The following MATCAP2 variants were observed in gnomAD, a reference collection of about 807,000 sequenced individuals.
The protein encoded by MATCAP2 is microtubule associated tyrosine carboxypeptidase 2.
At chr7:36,330,577 A>C in the MATCAP2 span, among the ~76,000 whole-genome samples, 1 of 152,222 alleles carries the variant, frequency 6.6e-6, no homozygotes, top group South Asian at 2.1e-4. Context: ...TTTGAAGTGG[A>C]CTCTATTTTA....
At chr7:36,331,399 TC>T in the MATCAP2 span, among the ~76,000 whole-genome samples, 1 of 151,998 alleles carries the variant, frequency 6.6e-6, no homozygotes, top group Non-Finnish European at 1.5e-5. Context: ...TATCCCACCT[TC>T]CCCTACTCCC....
chr7:36,362,561 C>T, the MATCAP2 span, among the ~76,000 whole-genome samples: 348 of 152,292 alleles, frequency 2.3e-3, 2 homozygotes, highest in African/African-American at 7.9e-3. Context: ...AACAAACTTT[C>T]CCATGGCTTT....
the MATCAP2 span, among the ~76,000 whole-genome samples, chr7:36,361,895 C>A: frequency 1.3e-5 from 2 of 152,148 alleles, no homozygotes; most frequent in Admixed American, 6.6e-5. Flanking sequence ...GCAAATGAAG[C>A]CACATCAAAA....
At chr7:36,332,835 G>A in the MATCAP2 span, among the ~76,000 whole-genome samples, 4 of 152,188 alleles carry the variant, frequency 2.6e-5, no homozygotes, top group Non-Finnish European at 5.9e-5. Flanking sequence ...GCTGAGGCAG[G>A]AGAATCACCT....
chr7:36,348,378 C>T, the MATCAP2 span, among the ~76,000 whole-genome samples: 3 of 152,176 alleles, frequency 2.0e-5, no homozygotes, highest in Admixed American at 6.5e-5. Context: ...AAGCACCAAT[C>T]ACTGTGTAAA....
chr7:36,334,913 G>T, the MATCAP2 span: 1 of 770,600 alleles, frequency 1.3e-6, no homozygotes, highest in Non-Finnish European at 2.0e-6. Flanking sequence ...TGAAGCTCAT[G>T]ACTTCTTGCT....
chr7:36,379,843 C>CAGAGAG, the MATCAP2 span, among the ~76,000 whole-genome samples: 32 of 127,466 alleles, frequency 2.5e-4, no homozygotes, highest in Non-Finnish European at 3.6e-4. Context: ...CACACACACA[C>CAGAGAG]ACACAGAGAG....
chr7:36,363,269 C>T, the MATCAP2 span, among the ~76,000 whole-genome samples: 1 of 152,176 alleles, frequency 6.6e-6, no homozygotes, highest in Non-Finnish European at 1.5e-5. Context: ...TATTTTTAAA[C>T]ATTCATCTTT....
the MATCAP2 span, chr7:36,326,535 G>A: frequency 9.1e-6 from 3 of 329,522 alleles, no homozygotes; most frequent in Admixed American, 9.4e-5. Flanking sequence ...TGACTCTGTC[G>A]AGATTCAGAA....
the MATCAP2 span, among the ~76,000 whole-genome samples, chr7:36,363,636 T>G: frequency 6.6e-6 from 1 of 152,238 alleles, no homozygotes; most frequent in Non-Finnish European, 1.5e-5. Context: ...TTCCTAGCAG[T>G]TGACAACATG....
the MATCAP2 span, chr7:36,357,326 T>G: frequency 6.2e-7 from 1 of 1,614,182 alleles, no homozygotes; most frequent in South Asian, 1.1e-5. Context: ...CCTGCGAGGA[T>G]CTTTGCTACG....
At chr7:36,377,843 C>T in the MATCAP2 span, among the ~76,000 whole-genome samples, 1 of 152,214 alleles carries the variant, frequency 6.6e-6, no homozygotes, top group African/African-American at 2.4e-5. Flanking sequence ...CACTTCATTT[C>T]ATTCATTTGA....
chr7:36,346,992 C>T, the MATCAP2 span, among the ~76,000 whole-genome samples: 1 of 152,122 alleles, frequency 6.6e-6, no homozygotes, highest in Non-Finnish European at 1.5e-5. Flanking sequence ...AACTCCTGAC[C>T]TCATGATCCA....
chr7:36,378,324 C>T, the MATCAP2 span, among the ~76,000 whole-genome samples: 1 of 152,196 alleles, frequency 6.6e-6, no homozygotes, highest in Non-Finnish European at 1.5e-5. Flanking sequence ...TTCCTTCTAA[C>T]AGTCAGGCCC....
chr7:36,371,042 T>C, the MATCAP2 span, among the ~76,000 whole-genome samples: 1 of 152,250 alleles, frequency 6.6e-6, no homozygotes, highest in African/African-American at 2.4e-5. Context: ...GGTGTTTTGA[T>C]AGAAATATTG....
the MATCAP2 span, among the ~76,000 whole-genome samples, chr7:36,372,448 A>T: frequency 1.3e-5 from 2 of 152,266 alleles, no homozygotes; most frequent in African/African-American, 4.8e-5. Context: ...GTTTTGCAGC[A>T]TGTCTATATT....
chr7:36,389,420 T>C, the MATCAP2 span, among the ~76,000 whole-genome samples: 1 of 151,726 alleles, frequency 6.6e-6, no homozygotes, highest in African/African-American at 2.4e-5. Context: ...TGGAGTGCAG[T>C]AGTGAGATCG....
At chr7:36,327,243 A>G in the MATCAP2 span, among the ~76,000 whole-genome samples, 1 of 152,180 alleles carries the variant, frequency 6.6e-6, no homozygotes, top group African/African-American at 2.4e-5. Context: ...GGTTCAGGTG[A>G]TTCTCCTGCC....
At chr7:36,373,926 A>G in the MATCAP2 span, among the ~76,000 whole-genome samples, 1 of 152,020 alleles carries the variant, frequency 6.6e-6, no homozygotes, top group African/African-American at 2.4e-5. Flanking sequence ...CTGGGACTAC[A>G]GGTGCCAGCT....
Sources: gnomAD v4.1 joint callset for allele counts (sites outside exome capture counted in the v4.1 genomes callset) on GRCh38, gnomAD v4.1.1 for gene constraint, MANE v1.5 for transcripts, NCBI Gene and HGNC (gene_info 2026-07-23, HGNC 2026-07-21) for gene names.